TANC2: variants seen among roughly 807,000 people sequenced by gnomAD.
The protein encoded by TANC2 is protein TANC2.
A neutral mutation model predicts 210.5 loss-of-function variants in TANC2; 26 were observed. That is an observed-to-expected ratio of 0.12 (90% CI 0.09 to 0.17). The LOEUF (loss-of-function observed/expected upper bound fraction) is 0.17, where lower values mean the gene tolerates loss of function less well. Ranked by LOEUF, TANC2 falls within the 10% of genes least tolerant of loss-of-function variation. TANC2 has a pLI of 1.00. For missense variants in TANC2, 2,129 were observed against 2,608.9 expected (o/e 0.82, Z 4.01); for synonymous variants, 931 against 967.1 (o/e 0.96, Z 0.69).
intron 19 of TANC2, among the ~76,000 whole-genome samples, chr17:63,404,464 A>T (rs1417331244): frequency 6.6e-6 from 1 of 152,194 alleles, no homozygotes; most frequent in Non-Finnish European, 1.5e-5. Context: ...CTGTGACTTC[A>T]TTATTTTATA....
Position 63,388,621 on chromosome 17 carries a change from T to A in TANC2, c.2692-14T>A. The A allele has an allele frequency of 6.3e-7, 1 of 1,593,792 alleles. No homozygotes were observed. Among genetic ancestry groups the A allele is most frequent in the Non-Finnish European group, 8.5e-7 (1 of 1,170,680 alleles). On this transcript the variant is annotated splice_polypyrimidine_tract_variant and intron_variant, in intron 15 of 27. Coordinates refer to ENST00000689528, the Ensembl canonical transcript of TANC2. ...GCTGGGCTACTAATTTAATTGTCTGTATTTCTTATTCAGGGTTTGAGTAAA... is the reference window on the plus strand; with the variant it reads ...GCTGGGCTACTAATTTAATTGTCTGAATTTCTTATTCAGGGTTTGAGTAAA...
At chr17:63,187,204 G>A (rs1298810539) in intron 5 of TANC2, among the ~76,000 whole-genome samples, 1 of 152,096 alleles carries the variant, frequency 6.6e-6, no homozygotes, top group South Asian at 2.1e-4. Context: ...TGGAGATGAC[G>A]GTATAACTTA....
rs190923883 is a variant in TANC2 at position 63,270,359 on chromosome 17, A to G, written c.1159+2486A>G. Among the ~76,000 whole-genome samples the G allele has an allele frequency of 4.1e-3, 619 of 152,292 alleles. 5 individuals are homozygous for G. The highest frequency in any genetic ancestry group is 0.014 in the African/African-American group (600 of 41,564). On this transcript the variant is annotated intron_variant, in intron 9 of 27. Transcript: ENST00000689528. The stretch of plus-strand genomic sequence containing the variant: ...CAGACCTGCTTGGCAAGCCTTTATA[A>G]TATGTGATTATTATATCCACAATGT...
chr17:63,317,554 G>A (rs1259149198), intron 10 of TANC2, among the ~76,000 whole-genome samples: 1 of 152,164 alleles, frequency 6.6e-6, no homozygotes, highest in Admixed American at 6.5e-5. Flanking sequence ...CAGTATAGTA[G>A]TTGGGGAAGC....
intron 11 of TANC2, among the ~76,000 whole-genome samples, chr17:63,337,772 C>T (rs1276876674): frequency 1.3e-5 from 2 of 152,180 alleles, no homozygotes; most frequent in Non-Finnish European, 2.9e-5. Flanking sequence ...TCCCTCCTCC[C>T]ACTCTCCGCC....
At chr17:63,389,852 A>G (rs553156877) in intron 17 of TANC2, 1 of 349,040 alleles carries the variant, frequency 2.9e-6, no homozygotes, top group South Asian at 2.6e-5. Context: ...TTTAACAAAG[A>G]GAGGAAGGAG....
intron 8 of TANC2, among the ~76,000 whole-genome samples, chr17:63,245,585 G>T (rs960837076): frequency 6.6e-6 from 1 of 152,006 alleles, no homozygotes; most frequent in East Asian, 1.9e-4. Context: ...GCTGACACCT[G>T]TAATCCCAGC....
intron 2 of TANC2, among the ~76,000 whole-genome samples, chr17:63,073,210 A>G (rs1330764124): frequency 2.0e-5 from 3 of 151,996 alleles, no homozygotes; most frequent in African/African-American, 4.8e-5. Context: ...TACATTCTTA[A>G]TATATTAATT....
chr17:63,292,610 C>A (rs1342907707), intron 9 of TANC2, among the ~76,000 whole-genome samples: 5 of 152,142 alleles, frequency 3.3e-5, no homozygotes, highest in Admixed American at 3.3e-4. Context: ...GATGAAGAAG[C>A]AGCATCAAAG....
Position 63,418,164 on chromosome 17 carries a change from C to A in TANC2, c.4168-143C>A, listed in dbSNP as rs1405918131. On this transcript the variant is annotated intron_variant, in intron 26 of 27. Transcript: ENST00000689528. The surrounding 1 kb of genome is among the most constrained non-coding windows in gnomAD (Gnocchi z 4.6). Reference sequence around the variant, plus strand: ...AACTTTCAGTCCACAGGCCACGCGGCTTGAGCCATGTCAGGCACGTCTAGC... The same window carrying A: ...AACTTTCAGTCCACAGGCCACGCGGATTGAGCCATGTCAGGCACGTCTAGC... 2 of 822,842 alleles carry A rather than the reference C, an allele frequency of 2.4e-6. No individual in the cohort carries two copies. The highest frequency in any genetic ancestry group is 3.8e-6 in the Non-Finnish European group (2 of 523,382). 51.0% of individuals were successfully genotyped at this position (822,842 alleles called of 1,614,324 possible). A position where few individuals can be genotyped will look rare whatever the true frequency, so the allele number is the denominator to read the frequency against.
intron 11 of TANC2, chr17:63,333,990 A>G (rs1304412139): frequency 6.6e-6 from 1 of 152,248 alleles, no homozygotes; most frequent in Admixed American, 6.5e-5. Flanking sequence ...TAACTTTTAT[A>G]TGCACAGGGA....
At chr17:63,107,733 T>C (rs945663264) in intron 4 of TANC2, among the ~76,000 whole-genome samples, 1 of 151,654 alleles carries the variant, frequency 6.6e-6, no homozygotes, top group East Asian at 1.9e-4. Flanking sequence ...TGTTATACAA[T>C]TGCAGTTATA....
chr17:62,995,192 C>T (rs895377217), intron 1 of TANC2, among the ~76,000 whole-genome samples: 1 of 152,028 alleles, frequency 6.6e-6, no homozygotes, highest in Non-Finnish European at 1.5e-5. Context: ...TTTTATAAAT[C>T]CTGTTATCTT....
At chr17:63,027,929 A>G (rs1263269395) in intron 2 of TANC2, among the ~76,000 whole-genome samples, 4 of 152,036 alleles carry the variant, frequency 2.6e-5, no homozygotes, top group African/African-American at 9.7e-5. Flanking sequence ...TTCCATTTTC[A>G]TAGAATTTTT....
At chr17:63,188,904 A>C (rs557251156) in intron 5 of TANC2, among the ~76,000 whole-genome samples, 62 of 146,822 alleles carry the variant, frequency 4.2e-4, no homozygotes, top group Non-Finnish European at 5.3e-4. Context: ...ACCCCCCCCC[A>C]AAAAAAAATG....
chr17:63,245,922 A>C (rs1206651338), intron 8 of TANC2, among the ~76,000 whole-genome samples: 3 of 151,710 alleles, frequency 2.0e-5, no homozygotes, highest in Non-Finnish European at 4.4e-5. Flanking sequence ...AGGCACATGA[A>C]TTGCTTGAAC....
At chr17:63,198,783 T>TA (rs558876227) in intron 6 of TANC2, among the ~76,000 whole-genome samples, 3,521 of 144,310 alleles carry the variant, frequency 0.024, 101 homozygotes, top group African/African-American at 0.076. Context: ...ATTTTAAGGT[T>TA]AAAAAAAAAA....
At chr17:63,114,433 T>C (rs909283687) in intron 4 of TANC2, among the ~76,000 whole-genome samples, 1 of 152,196 alleles carries the variant, frequency 6.6e-6, no homozygotes, top group African/African-American at 2.4e-5. Context: ...TGTATAGGGA[T>C]CACATATATG....
chr17:63,042,500 G>A (rs1375857767), intron 2 of TANC2, among the ~76,000 whole-genome samples: 3 of 152,084 alleles, frequency 2.0e-5, no homozygotes. Context: ...TTGCAATAGA[G>A]AGCTGGATGC....
Sources: allele counts gnomAD v4.1 joint callset (sites outside exome capture counted in the v4.1 genomes callset), GRCh38; gene constraint gnomAD v4.1.1; non-coding constraint Gnocchi (gnomAD v3.1); transcripts MANE v1.5; gene names NCBI Gene and HGNC (gene_info 2026-07-23, HGNC 2026-07-21).